Variants in AOPEP observed in about 807,000 individuals in gnomAD.
AOPEP encodes the protein aminopeptidase O.
In AOPEP, 77 loss-of-function variants were observed where a neutral mutation model predicts 98.1. That is an observed-to-expected ratio of 0.78 (90% confidence interval 0.65 to 0.95). The LOEUF (loss-of-function observed/expected upper bound fraction) is 0.95. Among genes scored for constraint, AOPEP ranks in the 40% least tolerant of loss-of-function variants. AOPEP has a pLI of 0.00. For missense variants in AOPEP, 1,024 were observed against 1,024.7 expected, an observed-to-expected ratio of 1.00 and a Z score of 0.01; for synonymous variants, 346 against 365.3, an observed-to-expected ratio of 0.95 and a Z score of 0.60.
chr9:94,751,455 C>A (rs1835757446), intron 1 of AOPEP, among the ~76,000 whole-genome samples: 1 of 152,176 alleles, frequency 6.6e-6, no homozygotes, highest in South Asian at 2.1e-4. Flanking sequence ...TCTATGAAAT[C>A]TAATAATAGG....
intron 1 of AOPEP, among the ~76,000 whole-genome samples, chr9:94,739,593 G>A (rs1832597840): frequency 6.6e-6 from 1 of 150,466 alleles, no homozygotes; most frequent in African/African-American, 2.5e-5. Flanking sequence ...GCAGTGAGCC[G>A]AGATCGTGCC....
chr9:94,813,107 C>A (rs1850976095), intron 5 of AOPEP, among the ~76,000 whole-genome samples: 1 of 151,990 alleles, frequency 6.6e-6, no homozygotes, highest in South Asian at 2.1e-4. Flanking sequence ...TAGTGATTGG[C>A]TATACGTTGT....
At chr9:95,015,819 C>T (rs928354059) in intron 13 of AOPEP, among the ~76,000 whole-genome samples, 2 of 152,072 alleles carry the variant, frequency 1.3e-5, no homozygotes, top group Non-Finnish European at 2.9e-5. Context: ...AATTTGTATT[C>T]TCAAAATCCA....
the AOPEP span, among the ~76,000 whole-genome samples, chr9:95,132,559 C>G: frequency 6.6e-6 from 1 of 152,194 alleles, no homozygotes; most frequent in African/African-American, 2.4e-5. Context: ...GCTAATACCT[C>G]ACTTGATGTA....
intron 1 of AOPEP, among the ~76,000 whole-genome samples, chr9:94,745,995 G>A (rs1275695979): frequency 2.6e-5 from 4 of 152,210 alleles, no homozygotes; most frequent in Non-Finnish European, 5.9e-5. Flanking sequence ...AACAATGTAC[G>A]ACAGGGGTTC....
the AOPEP span, chr9:95,114,818 C>T: frequency 1.1e-5 from 10 of 910,386 alleles, no homozygotes; most frequent in Non-Finnish European, 1.6e-5. Context: ...CCCTTTACTT[C>T]TGGTTCACGG....
chr9:94,819,337 GC>G, intron 5 of AOPEP, among the ~76,000 whole-genome samples: 1 of 152,274 alleles, frequency 6.6e-6, no homozygotes, highest in Non-Finnish European at 1.5e-5. Flanking sequence ...TCCAAATAGA[GC>G]CAGAGAGGCC....
chr9:94,872,333 T>C (rs1007921554), intron 5 of AOPEP, among the ~76,000 whole-genome samples: 1 of 152,188 alleles, frequency 6.6e-6, no homozygotes, highest in Non-Finnish European at 1.5e-5. Context: ...CCCCTCATTT[T>C]ACAGAGGCGG....
rs369837387 is a variant in AOPEP at position 95,085,151 on chromosome 9, C to T, written c.*5-1531C>T. On this transcript the variant is annotated intron_variant, in intron 16 of 16. Transcript: ENST00000375315. ...ATAACAGGCGTGAAGGCGGCAGTGTCGCCGGCGTCCTTCCGCGGAAGCCCA... is the reference window on the plus strand; with the variant it reads ...ATAACAGGCGTGAAGGCGGCAGTGTTGCCGGCGTCCTTCCGCGGAAGCCCA... 6 of 435,514 alleles carry T rather than the reference C, an allele frequency of 1.4e-5. No homozygotes were observed. In the East Asian group the frequency reaches 2.9e-4, roughly 21 times the overall value. 27.0% of individuals were successfully genotyped at this position (435,514 alleles called of 1,614,324 possible). A position where few individuals can be genotyped will look rare whatever the true frequency, so the allele number is the denominator to read the frequency against.
rs374207491 is a variant in AOPEP, at chr9:94,729,047, T to C, written c.-136+2296T>C. On this transcript the variant is annotated intron_variant, in intron 1 of 16. Transcript: ENST00000375315. ...ATGAAGGGTTGCCTGTCCAGGAAAG[T>C]TGGTGTCCCACCAAAGTTGGAGTCT... Among the ~76,000 whole-genome samples the C allele has an allele frequency of 3.3e-4, 50 of 151,578 alleles. 2 individuals are homozygous for C. Among genetic ancestry groups the C allele is most frequent in the African/African-American group, 1.2e-3 (49 of 41,328 alleles).
the AOPEP span, among the ~76,000 whole-genome samples, chr9:95,130,287 T>C: frequency 1.1e-3 from 156 of 147,076 alleles, no homozygotes; most frequent in Non-Finnish European, 1.7e-3. Context: ...TGATTCTGTG[T>C]GTGTGTGTGT....
At chr9:94,806,008 G>A (rs1431659898) in intron 5 of AOPEP, among the ~76,000 whole-genome samples, 1 of 152,100 alleles carries the variant, frequency 6.6e-6, no homozygotes. Context: ...TTCTTTGTTT[G>A]TTCTTTGTTG....
the AOPEP span, chr9:95,100,792 C>T: frequency 1.3e-5 from 3 of 225,142 alleles, no homozygotes; most frequent in Admixed American, 5.7e-5. Flanking sequence ...CATTGCACCC[C>T]GATAATTTTT....
chr9:94,735,204 C>T (rs1165015079), intron 1 of AOPEP, among the ~76,000 whole-genome samples: 1 of 152,104 alleles, frequency 6.6e-6, no homozygotes, highest in African/African-American at 2.4e-5. Flanking sequence ...GGCTGCTATC[C>T]TTGCATGTCC....
At chr9:94,839,570 A>G (rs1240134759) in intron 5 of AOPEP, among the ~76,000 whole-genome samples, 1 of 152,134 alleles carries the variant, frequency 6.6e-6, no homozygotes, top group Non-Finnish European at 1.5e-5. Context: ...CATAACTAGT[A>G]TATAGAAATA....
chr9:95,024,597 CG>C (rs1262874077), intron 13 of AOPEP, among the ~76,000 whole-genome samples: 1 of 152,188 alleles, frequency 6.6e-6, no homozygotes, highest in Non-Finnish European at 1.5e-5. Context: ...TGAGCCTGAG[CG>C]TGTGGCCCCA....
intron 4 of AOPEP, among the ~76,000 whole-genome samples, chr9:94,795,886 G>T (rs1466835067): frequency 6.6e-6 from 1 of 152,164 alleles, no homozygotes; most frequent in Non-Finnish European, 1.5e-5. Flanking sequence ...AGACAGAGGA[G>T]ATAAAAATAA....
chr9:94,890,186 C>T (rs1337566736), intron 5 of AOPEP, among the ~76,000 whole-genome samples: 1 of 151,504 alleles, frequency 6.6e-6, no homozygotes, highest in African/African-American at 2.4e-5. Flanking sequence ...CACCACTATG[C>T]CTGGCTAATT....
At chr9:94,785,208 TA>T (rs1564130109) in intron 3 of AOPEP, among the ~76,000 whole-genome samples, 1 of 152,226 alleles carries the variant, frequency 6.6e-6, no homozygotes, top group African/African-American at 2.4e-5. Flanking sequence ...GTGCTGGGAT[TA>T]TAGGCGTGAG....
Sources: gnomAD v4.1 joint callset for allele counts (sites outside exome capture counted in the v4.1 genomes callset) on GRCh38, gnomAD v4.1.1 for gene constraint, MANE v1.5 for transcripts, NCBI Gene and HGNC (gene_info 2026-07-23, HGNC 2026-07-21) for gene names.